RTN4: variants seen among roughly 807,000 people sequenced by gnomAD.
RTN4 encodes the protein reticulon 4.
In RTN4, 32 loss-of-function variants were observed where a neutral mutation model predicts 90.4. The ratio of observed to expected loss-of-function variants is 0.35; its 90% CI spans 0.27 to 0.48. RTN4 has a LOEUF of 0.48. Ranked by LOEUF, RTN4 falls within the 20% of genes least tolerant of loss-of-function variation. The probability of loss-of-function intolerance (pLI) is 0.99; values close to 1 mark genes in which losing one functional copy is unlikely to be tolerated. For missense variants in RTN4, 1,706 were observed against 1,430.2 expected, an observed-to-expected ratio of 1.19 and a Z score of -3.11; for synonymous variants, 629 against 552.5, an observed-to-expected ratio of 1.14 and a Z score of -1.94.
intron 1 of RTN4, among the ~76,000 whole-genome samples, chr2:55,087,378 T>C (rs757104222): frequency 6.6e-6 from 1 of 152,214 alleles, no homozygotes; most frequent in Non-Finnish European, 1.5e-5. Context: ...CTTTTATCAT[T>C]GTTGTTTTTA....
Position 54,987,665 on chromosome 2 carries a change from T to C in RTN4, c.3047A>G (p.Lys1016Arg). Residue 1016 changes from lysine (K) to arginine (R), a missense_variant, in exon 4 of 9, where the codon AAG becomes AGG. Physicochemically the swap from Lys to Arg is conservative, Grantham distance 26. Coordinates refer to ENST00000337526, the MANE Select transcript of RTN4 (RefSeq NM_020532.5). ...VDLLYWRDIK[K>R]TGVVFGASLF... is the part of the protein sequence containing the mutation. ...GCTGGCACCAAACACCACTCCAGTCTTCTTAATGTCTCTCCAGTACAGGAG... is the reference window on the plus strand; with the variant it reads ...GCTGGCACCAAACACCACTCCAGTCCTCTTAATGTCTCTCCAGTACAGGAG... 6.2e-7 allele frequency: 1 copy of C among 1,614,122 alleles called. No homozygotes were observed. The highest frequency in any genetic ancestry group is 8.5e-7 in the Non-Finnish European group (1 of 1,179,972).
At chr2:55,051,789 T>C (rs1453871561), upstream of RTN4, among the ~76,000 whole-genome samples, 2 of 152,222 alleles carry the variant, frequency 1.3e-5, no homozygotes, top group African/African-American at 2.4e-5. Flanking sequence ...ATCTCAGCTT[T>C]CCTGTTGACT....
At chr2:55,045,069 T>A (rs1683330461) in intron 1 of RTN4, among the ~76,000 whole-genome samples, 1 of 152,154 alleles carries the variant, frequency 6.6e-6, no homozygotes, top group Admixed American at 6.5e-5. Flanking sequence ...CTCAAAATCT[T>A]AAAATTTCTA....
At chr2:55,105,904 C>A (rs1331088687) in intron 1 of RTN4, among the ~76,000 whole-genome samples, 1 of 152,096 alleles carries the variant, frequency 6.6e-6, no homozygotes, top group Admixed American at 6.6e-5. Flanking sequence ...CGCTTGCACC[C>A]AGGAGTTCGA....
intron 2 of RTN4, among the ~76,000 whole-genome samples, chr2:55,064,570 C>G (rs1407088249): frequency 6.6e-6 from 1 of 152,110 alleles, no homozygotes; most frequent in Non-Finnish European, 1.5e-5. Context: ...AGGTTGGTCT[C>G]AAACTCCTGA....
chr2:55,050,666 A>C (rs543398255), upstream of RTN4: 49 of 174,878 alleles, frequency 2.8e-4, no homozygotes, highest in Middle Eastern at 2.3e-3. The surrounding 1 kb of genome is among the most constrained non-coding windows in gnomAD (Gnocchi z 4.6). Context: ...GGCCAACAGA[A>C]AGGGAAGGAG....
At position 55,025,730 on chromosome 2, in the gene RTN4, G is replaced by A. The variant is rs779152319; in HGVS notation, c.2369C>T (p.Ala790Val). The change falls in exon 3 of 9, where the codon GCT (alanine) becomes GTT (valine). Residue 790 changes from alanine to valine, a missense_variant. Coordinates refer to ENST00000337526, the MANE Select transcript of RTN4 (RefSeq NM_020532.5). ...TGGCTTTCCTCCCTCAGGTGGCAAA[G>A]CACTGAGTTTTTCCTTATTTTCATA... ...IEYENKEKLS[A>V]LPPEGGKPYL... The A allele has an allele frequency of 6.2e-7, 1 of 1,613,716 alleles. No individual in the cohort carries two copies. Among genetic ancestry groups the A allele is most frequent in the South Asian group, 1.1e-5 (1 of 91,060 alleles).
intron 1 of RTN4, among the ~76,000 whole-genome samples, chr2:55,047,306 G>C (rs1667810583): frequency 6.7e-6 from 1 of 149,476 alleles, no homozygotes; most frequent in African/African-American, 2.5e-5. Flanking sequence ...CTCCAGCCTG[G>C]TGACAAGGGG....
intron 1 of RTN4, among the ~76,000 whole-genome samples, chr2:55,096,409 G>A (rs142570420): frequency 4.6e-5 from 7 of 151,850 alleles, no homozygotes; most frequent in African/African-American, 1.7e-4. Context: ...GCTTCCAAGT[G>A]ATTTTTGATT....
chr2:55,095,310 T>C (rs761105407), intron 1 of RTN4, among the ~76,000 whole-genome samples: 1 of 151,342 alleles, frequency 6.6e-6, no homozygotes. Context: ...GGCGACAGAG[T>C]GAGATCCTGT....
chr2:55,135,117 T>C, the RTN4 span, among the ~76,000 whole-genome samples: 796 of 152,288 alleles, frequency 5.2e-3, 5 homozygotes, highest in Non-Finnish European at 8.5e-3. Flanking sequence ...AAAATGTTTT[T>C]AATGCACATA....
chr2:55,006,167 CT>C (rs1558794392), intron 3 of RTN4, among the ~76,000 whole-genome samples: 1 of 152,150 alleles, frequency 6.6e-6, no homozygotes, highest in Non-Finnish European at 1.5e-5. Context: ...CAAAACTATT[CT>C]CTATGCGATG....
Position 55,027,440 on chromosome 2 carries a change from C to A in RTN4, c.659G>T (p.Gly220Val). 6.2e-7 allele frequency: 1 copy of A among 1,612,996 alleles called. No homozygotes were observed. The highest frequency in any genetic ancestry group is 1.3e-5 in the African/African-American group (1 of 74,976). ...KEQPGNTISA[G>V]QEDFPSVLLE... The stretch of plus-strand genomic sequence containing the variant: ...CAGGACAGATGGGAAATCCTCTTGA[C>A]CAGCCGAAATAGTGTTACCTGGCTG... Residue 220 changes from glycine to valine, a missense_variant, in exon 3 of 9, where the codon GGT (glycine) becomes GTT (valine). Physicochemically the swap from Gly to Val is moderately radical, Grantham distance 109 (BLOSUM62 -3). Transcript: ENST00000337526.
intron 1 of RTN4, among the ~76,000 whole-genome samples, chr2:55,096,790 C>T (rs926242254): frequency 6.6e-6 from 1 of 151,190 alleles, no homozygotes; most frequent in Admixed American, 6.6e-5. Context: ...CATGCTGCAG[C>T]AGTTACTGTT....
Position 55,041,768 on chromosome 2 carries a change from C to T in RTN4, c.556+7977G>A, listed in dbSNP as rs187665308. Among the ~76,000 whole-genome samples the T allele has an allele frequency of 2.0e-5, 3 of 151,894 alleles. No individual in the cohort carries two copies. In the East Asian group the frequency reaches 5.8e-4, roughly 29 times the overall value. On this transcript the variant is annotated intron_variant, in intron 1 of 8. Transcript: ENST00000337526. ...TATAAAAGTACTTACTAGGAGTAAA[C>T]ATGGGGGAAAATTTTTATGATCCTC...
the RTN4 span, among the ~76,000 whole-genome samples, chr2:55,120,535 G>A: frequency 5.3e-5 from 8 of 151,980 alleles, no homozygotes; most frequent in East Asian, 9.7e-4. Flanking sequence ...GTCAGAAGAC[G>A]AGCAGGAGAT....
At chr2:55,100,723 A>G (rs1667838041) in intron 1 of RTN4, among the ~76,000 whole-genome samples, 1 of 152,176 alleles carries the variant, frequency 6.6e-6, no homozygotes, top group Non-Finnish European at 1.5e-5. Flanking sequence ...TTACTGACAT[A>G]TAATTGTGCT....
At chr2:55,117,338 CA>C (rs2105074377), upstream of RTN4, among the ~76,000 whole-genome samples, 1 of 152,324 alleles carries the variant, frequency 6.6e-6, no homozygotes, top group South Asian at 2.1e-4. Context: ...TGCCTTCGAG[CA>C]TTCCCTTCAA....
chr2:55,037,314 T>C (rs145180286), intron 1 of RTN4, among the ~76,000 whole-genome samples: 366 of 152,344 alleles, frequency 2.4e-3, no homozygotes, highest in African/African-American at 8.1e-3. Flanking sequence ...ATGAGTATAT[T>C]GTGTTTTTAC....
Sources: gnomAD v4.1 joint callset for allele counts (sites outside exome capture counted in the v4.1 genomes callset) on GRCh38, gnomAD v4.1.1 for gene constraint, Gnocchi (gnomAD v3.1) non-coding constraint, MANE v1.5 for transcripts, NCBI Gene and HGNC (gene_info 2026-07-23, HGNC 2026-07-21) for gene names.